The following CDH7 variants were observed in gnomAD, a reference collection of about 807,000 sequenced individuals.
CDH7 encodes cadherin-7.
CDH7 carries 25 observed loss-of-function variants against 71.8 expected under a neutral mutation model. The ratio of observed to expected loss-of-function variants is 0.35; its 90% CI spans 0.25 to 0.49. The LOEUF is 0.49. Ranked by LOEUF, CDH7 falls within the 20% of genes least tolerant of loss-of-function variation. The pLI is 0.99. For synonymous variants in CDH7, 381 were observed against 363.8 expected (o/e 1.05, Z -0.54); for missense variants, 862 against 974.6 (o/e 0.88, Z 1.54).
At chr18:65,855,734 A>G (rs1045461289) in intron 7 of CDH7, among the ~76,000 whole-genome samples, 2 of 152,144 alleles carry the variant, frequency 1.3e-5, no homozygotes, top group African/African-American at 2.4e-5. Context: ...AATGCATCCC[A>G]ACTTTTTTAC....
chr18:65,857,715 G>A, intron 7 of CDH7, 101 bp from the exon 8 acceptor site: 1 of 1,129,552 alleles, frequency 8.9e-7, no homozygotes, highest in Non-Finnish European at 1.3e-6. Flanking sequence ...CAGAGAGTCA[G>A]TAGGATTTAG....
intron 6 of CDH7, among the ~76,000 whole-genome samples, chr18:65,833,498 A>G (rs1431681911): frequency 2.6e-5 from 4 of 152,178 alleles, no homozygotes; most frequent in Non-Finnish European, 5.9e-5. Context: ...CATTGCTCTC[A>G]TTTGACTGTA....
chr18:65,770,372 A>G (rs1262987977), intron 2 of CDH7, among the ~76,000 whole-genome samples: 2 of 152,200 alleles, frequency 1.3e-5, no homozygotes, highest in Non-Finnish European at 2.9e-5. Flanking sequence ...ATACTTAGCC[A>G]TCATAATTAC....
chr18:65,789,198 G>A (rs1910618557), intron 2 of CDH7, among the ~76,000 whole-genome samples: 1 of 152,140 alleles, frequency 6.6e-6, no homozygotes, highest in Non-Finnish European at 1.5e-5. Context: ...ATCAAAATCA[G>A]CCTGGGACAT....
chr18:65,857,923 A>G lies in CDH7; in HGVS notation c.1343A>G (p.His448Arg), dbSNP rs1449668321. Residue 448 changes from histidine to arginine, a missense_variant, in exon 8 of 12, where the codon CAC becomes CGC. Transcript: ENST00000397968. ...TTGGATCGAGAGACAAATGCTATTC[A>G]CAATATCACAGTCCTTGCAATGGAG... ...KSLDRETNAIHNITVLAMESQ... is the reference protein window; with the variant it reads ...KSLDRETNAIRNITVLAMESQ... The G allele has an allele frequency of 6.2e-7, 1 of 1,613,556 alleles. No homozygotes were observed. The highest frequency in any genetic ancestry group is 8.5e-7 in the Non-Finnish European group (1 of 1,179,718).
chr18:65,792,469 A>G (rs1910749196), intron 2 of CDH7, among the ~76,000 whole-genome samples: 1 of 152,134 alleles, frequency 6.6e-6, no homozygotes, highest in African/African-American at 2.4e-5. Flanking sequence ...GCTGCGTGTT[A>G]GCCATTTTAC....
At chr18:65,765,351 A>G (rs1283531411) in intron 2 of CDH7, among the ~76,000 whole-genome samples, 1 of 152,006 alleles carries the variant, frequency 6.6e-6, no homozygotes, top group Non-Finnish European at 1.5e-5. Flanking sequence ...TGATGAAATG[A>G]TTCTTTTTAT....
intron 7 of CDH7, among the ~76,000 whole-genome samples, chr18:65,850,465 C>T (rs1320178144): frequency 2.6e-5 from 4 of 151,590 alleles, no homozygotes; most frequent in African/African-American, 7.3e-5. Context: ...AGTAGGGTTC[C>T]TCTGTAAATA....
intron 2 of CDH7, among the ~76,000 whole-genome samples, chr18:65,770,889 G>A (rs1916521534): frequency 6.6e-6 from 1 of 151,988 alleles, no homozygotes; most frequent in African/African-American, 2.4e-5. Context: ...GTCTGTTCTG[G>A]TTTCCATAAC....
chr18:65,794,094 G>A (rs1001063924), intron 2 of CDH7, among the ~76,000 whole-genome samples: 5 of 151,972 alleles, frequency 3.3e-5, no homozygotes, highest in Non-Finnish European at 7.4e-5. Context: ...ATTATAAGAT[G>A]CATCTTTTTC....
chr18:65,785,135 T>C (rs1910465602), intron 2 of CDH7, among the ~76,000 whole-genome samples: 1 of 152,142 alleles, frequency 6.6e-6, no homozygotes, highest in South Asian at 2.1e-4. Flanking sequence ...AAATTACAAT[T>C]TGGCTGAATC....
intron 2 of CDH7, among the ~76,000 whole-genome samples, chr18:65,779,257 CTTTT>C (rs34051231): frequency 2.7e-5 from 2 of 72,880 alleles, no homozygotes; most frequent in African/African-American, 1.2e-4. Flanking sequence ...AGAAAACATT[CTTTT>C]TTTTTTTTTT....
chr18:65,793,381 A>G (rs1369371311), intron 2 of CDH7, among the ~76,000 whole-genome samples: 1 of 150,980 alleles, frequency 6.6e-6, no homozygotes, highest in African/African-American at 2.4e-5. Context: ...TTGTAGTGCC[A>G]CTGTACTCCA....
chr18:65,798,738 A>C (rs1044728456), intron 2 of CDH7, among the ~76,000 whole-genome samples: 2 of 152,198 alleles, frequency 1.3e-5, no homozygotes, highest in Non-Finnish European at 2.9e-5. Flanking sequence ...CACAGCAGCC[A>C]ATCACTGGAT....
intron 6 of CDH7, among the ~76,000 whole-genome samples, chr18:65,840,217 T>C (rs994414298): frequency 1.3e-5 from 2 of 152,188 alleles, no homozygotes; most frequent in Non-Finnish European, 2.9e-5. Flanking sequence ...AAGACTATTT[T>C]TGTACTTTGG....
At chr18:65,826,058 A>T (rs994708279) in intron 6 of CDH7, among the ~76,000 whole-genome samples, 5 of 151,588 alleles carry the variant, frequency 3.3e-5, no homozygotes, top group Non-Finnish European at 7.4e-5. Flanking sequence ...AAAATTCTAA[A>T]TTTAATATAA....
At chr18:65,856,386 A>G (rs1187826637) in intron 7 of CDH7, among the ~76,000 whole-genome samples, 2 of 152,184 alleles carry the variant, frequency 1.3e-5, no homozygotes, top group South Asian at 2.1e-4. Context: ...AAGAGATGTG[A>G]GGAAATAAAG....
chr18:65,771,754 C>A (rs1398173498), intron 2 of CDH7, among the ~76,000 whole-genome samples: 1 of 151,918 alleles, frequency 6.6e-6, no homozygotes, highest in Non-Finnish European at 1.5e-5. Flanking sequence ...CTTCAATCAG[C>A]TGTAGTTCTC....
intron 2 of CDH7, among the ~76,000 whole-genome samples, chr18:65,782,114 CTTTCTTTCTTTCTTTCT>C (rs1910313068): frequency 4.2e-5 from 2 of 47,242 alleles, no homozygotes; most frequent in African/African-American, 4.4e-4. Flanking sequence ...TTCCTTCTTT[CTTTCTTTCTTTCTTTCT>C]TTCTTTCTTT....
Sources: allele counts gnomAD v4.1 joint callset (sites outside exome capture counted in the v4.1 genomes callset), GRCh38; gene constraint gnomAD v4.1.1; transcripts MANE v1.5; gene names NCBI Gene and HGNC (gene_info 2026-07-23, HGNC 2026-07-21).